Variants in ZFYVE9 observed in about 807,000 individuals in gnomAD.
ZFYVE9 encodes the protein zinc finger FYVE-type containing 9, also known as zinc finger FYVE domain-containing protein 9.
A neutral mutation model predicts 126.7 loss-of-function variants in ZFYVE9; 43 were observed. The ratio of observed to expected loss-of-function variants is 0.34; its 90% CI spans 0.27 to 0.44. The LOEUF (loss-of-function observed/expected upper bound fraction) is 0.44. Among genes scored for constraint, ZFYVE9 ranks in the 20% least tolerant of loss-of-function variants. The pLI, the probability that ZFYVE9 is intolerant of heterozygous loss-of-function variation, is 1.00. For missense variants in ZFYVE9, 1,476 were observed against 1,697.0 expected, an observed-to-expected ratio of 0.87 and a Z score of 2.29; for synonymous variants, 521 against 597.4, an observed-to-expected ratio of 0.87 and a Z score of 1.87.
At position 52,250,918 on chromosome 1, in the gene ZFYVE9, C is replaced by T. The variant is rs896594533; in HGVS notation, c.2178+11323C>T. On this transcript the variant is annotated intron_variant, in intron 4 of 18. Coordinates refer to ENST00000287727, the MANE Select transcript of ZFYVE9 (RefSeq NM_004799.4). ...AGTAGACATGAGGTCTACTGTGTTGCCCAGGCTGGTTCTGAATGTCTAGGC... is the reference window on the plus strand; with the variant it reads ...AGTAGACATGAGGTCTACTGTGTTGTCCAGGCTGGTTCTGAATGTCTAGGC... Among the ~76,000 whole-genome samples, 9 of 151,898 alleles carry T rather than the reference C, an allele frequency of 5.9e-5. No individual in the cohort carries two copies. In the East Asian group the frequency reaches 1.7e-3, roughly 29 times the overall value.
At chr1:52,146,903 A>G (rs955928723) in intron 1 of ZFYVE9, among the ~76,000 whole-genome samples, 2 of 152,190 alleles carry the variant, frequency 1.3e-5, no homozygotes, top group African/African-American at 2.4e-5. Context: ...CAGGTTGAGC[A>G]TCCCTAATCC....
intron 4 of ZFYVE9, among the ~76,000 whole-genome samples, chr1:52,261,481 C>T (rs1467503388): frequency 6.6e-6 from 1 of 152,268 alleles, no homozygotes; most frequent in Non-Finnish European, 1.5e-5. Context: ...GGACCATGTC[C>T]GTTTTGTTTT....
chr1:52,338,304 C>G (rs1175064479), intron 16 of ZFYVE9, among the ~76,000 whole-genome samples: 1 of 152,094 alleles, frequency 6.6e-6, no homozygotes. Flanking sequence ...AAACAAGTAC[C>G]AAAAGGCTAA....
Position 52,293,504 on chromosome 1 carries a change from G to A in ZFYVE9, c.3077G>A (p.Gly1026Asp). The change falls in exon 11 of 19, where the codon GGC becomes GAC. Residue 1026 changes from glycine to aspartate, a missense_variant. This residue lies in a region of ZFYVE9 where 669 missense variants were observed against 902.4 expected (regional missense o/e 0.74). Coordinates refer to ENST00000287727, the MANE Select transcript of ZFYVE9 (RefSeq NM_004799.4). ...TCCTTCTTCAGTCAAAGTTTCCTTG[G>A]CAGTAAAGAACATGGTGGATTCTTA... Reference protein sequence around the residue: ...GHSFFSQSFLGSKEHGGFLYV... With the variant: ...GHSFFSQSFLDSKEHGGFLYV... 1 of 1,613,934 alleles carries A rather than the reference G, an allele frequency of 6.2e-7. No individual in the cohort carries two copies. Among genetic ancestry groups the A allele is most frequent in the South Asian group, 1.1e-5 (1 of 91,072 alleles).
chr1:52,318,631 AAG>A (rs933550893), intron 13 of ZFYVE9, among the ~76,000 whole-genome samples: 7 of 152,186 alleles, frequency 4.6e-5, no homozygotes, highest in African/African-American at 1.7e-4. Context: ...TATATAAAAA[AAG>A]ACTGTCGGTA....
At chr1:52,253,757 G>A (rs1218688535) in intron 4 of ZFYVE9, 6 of 1,607,246 alleles carry the variant, frequency 3.7e-6, no homozygotes, top group Admixed American at 1.7e-5. Context: ...GATCAGTTAC[G>A]AGATGACAAT....
Position 52,324,176 on chromosome 1 carries a change from G to T in ZFYVE9, c.3439-8592G>T, listed in dbSNP as rs758301992. ...AGGTGGGAGGCTCACTTGAGCCCAA[G>T]AGTTGGAGACTGCAGTAAGCTATGA... On this transcript the variant is annotated intron_variant, in intron 13 of 18. Transcript: ENST00000287727. Among the ~76,000 whole-genome samples, 18 of 152,004 alleles carry T rather than the reference G, an allele frequency of 1.2e-4. 1 individual carries two copies. The East Asian group carries it at 3.5e-3, about 29-fold the overall frequency.
chr1:52,145,720 G>A (rs1644300103), intron 1 of ZFYVE9, among the ~76,000 whole-genome samples: 1 of 152,040 alleles, frequency 6.6e-6, no homozygotes, highest in South Asian at 2.1e-4. Context: ...CAAAAATCAG[G>A]CATTGGGATT....
chr1:52,210,411 C>G (rs1171142224), intron 1 of ZFYVE9, among the ~76,000 whole-genome samples: 3 of 150,470 alleles, frequency 2.0e-5, no homozygotes, highest in South Asian at 2.1e-4. Flanking sequence ...CTAAACTGTA[C>G]TCTAAGAGAC....
rs184694369 is a variant in ZFYVE9 at position 52,154,252 on chromosome 1, T to A, written c.-143+11849T>A. 2.6e-5 allele frequency among the ~76,000 whole-genome samples: 4 copies of A among 152,328 alleles called. No homozygotes were observed. In the East Asian group the frequency reaches 7.7e-4, roughly 29 times the overall value. ...CCTGTGAAGATCAATCACTGGCCCATCCAAGATGGAAGAGGCCCAGTGTAG... is the reference window on the plus strand; with the variant it reads ...CCTGTGAAGATCAATCACTGGCCCAACCAAGATGGAAGAGGCCCAGTGTAG... On this transcript the variant is annotated intron_variant, in intron 1 of 18. Transcript: ENST00000287727.
chr1:52,306,933 C>A (rs1297000626), intron 13 of ZFYVE9, among the ~76,000 whole-genome samples: 2 of 152,198 alleles, frequency 1.3e-5, no homozygotes, highest in Non-Finnish European at 2.9e-5. Flanking sequence ...CCTGGCTCAC[C>A]CTTGACAGAC....
At position 52,344,807 on chromosome 1, in the gene ZFYVE9, A is replaced by C; in HGVS notation, c.3979A>C (p.Ser1327Arg). The stretch of plus-strand genomic sequence containing the variant: ...AAACGATGACCAGCACAATTGCCTC[A>C]GTGATCCTGCAGATCACAGTAGATT... Reference protein sequence around the residue: ...LENDDQHNCLSDPADHSRLTE... With the variant: ...LENDDQHNCLRDPADHSRLTE... Residue 1327 changes from serine to arginine, a missense_variant, in exon 18 of 19, where the codon AGT becomes CGT. Around this residue, in one of 2 missense-constraint regions of ZFYVE9, gnomAD observed 669 missense variants for 902.4 expected, o/e 0.74. Transcript: ENST00000287727. 1 of 1,614,158 alleles carries C rather than the reference A, an allele frequency of 6.2e-7. No homozygotes were observed.
chr1:52,273,842 A>G (rs1408743257), intron 7 of ZFYVE9, among the ~76,000 whole-genome samples: 1 of 151,272 alleles, frequency 6.6e-6, no homozygotes, highest in Non-Finnish European at 1.5e-5. Flanking sequence ...AAAAAAATGA[A>G]CTTCAAGATT....
At chr1:52,302,244 G>A (rs370863434) in intron 12 of ZFYVE9, among the ~76,000 whole-genome samples, 3 of 151,998 alleles carry the variant, frequency 2.0e-5, no homozygotes, top group East Asian at 1.9e-4. Flanking sequence ...GTTGGGTGCT[G>A]GTTATCAATA....
At chr1:52,151,730 T>G (rs1216092558) in intron 1 of ZFYVE9, among the ~76,000 whole-genome samples, 1 of 152,072 alleles carries the variant, frequency 6.6e-6, no homozygotes, top group East Asian at 1.9e-4. Context: ...TTGGTCAGGC[T>G]GGTCTGGAAC....
At chr1:52,279,331 T>C (rs1252981504) in intron 9 of ZFYVE9, among the ~76,000 whole-genome samples, 3 of 152,240 alleles carry the variant, frequency 2.0e-5, no homozygotes, top group East Asian at 1.9e-4. Context: ...ACCTCAATTA[T>C]GGTGCAAAAC....
intron 4 of ZFYVE9, among the ~76,000 whole-genome samples, chr1:52,243,000 G>C (rs1348437865): frequency 6.6e-6 from 1 of 152,114 alleles, no homozygotes; most frequent in Non-Finnish European, 1.5e-5. Flanking sequence ...CTTTGTCTTT[G>C]TTCCCCATTA....
chr1:52,285,908 A>G (rs1645853447), intron 10 of ZFYVE9, among the ~76,000 whole-genome samples: 1 of 152,162 alleles, frequency 6.6e-6, no homozygotes, highest in Non-Finnish European at 1.5e-5. Context: ...TAATCCCAGC[A>G]CTTTGGCAGG....
At chr1:52,298,968 C>T (rs1646006218) in intron 12 of ZFYVE9, among the ~76,000 whole-genome samples, 2 of 152,022 alleles carry the variant, frequency 1.3e-5, no homozygotes, top group Admixed American at 1.3e-4. Context: ...GCCACCACGC[C>T]TGGCCAATTT....
Sources: gnomAD v4.1 joint callset for allele counts (sites outside exome capture counted in the v4.1 genomes callset) on GRCh38, gnomAD v4.1.1 for gene constraint, gnomAD v4.1.1 regional missense constraint, MANE v1.5 for transcripts, NCBI Gene and HGNC (gene_info 2026-07-23, HGNC 2026-07-21) for gene names.